Variants in GRID2 observed in about 807,000 individuals in gnomAD.
The protein encoded by GRID2 is glutamate ionotropic receptor delta type subunit 2.
GRID2 carries 33 observed loss-of-function variants against 114.8 expected under a neutral mutation model. The ratio of observed to expected loss-of-function variants is 0.29; its 90% CI spans 0.22 to 0.38. The LOEUF is 0.38. Ranked by LOEUF, GRID2 falls within the 10% of genes least tolerant of loss-of-function variation. The probability of loss-of-function intolerance (pLI) is 1.00; values close to 1 mark genes in which losing one functional copy is unlikely to be tolerated. For synonymous variants in GRID2, 505 were observed against 449.9 expected (o/e 1.12, Z -1.55); for missense variants, 1,184 against 1,257.7 (o/e 0.94, Z 0.89).
In GRID2 at chr4:92,347,776, CAG is replaced by C. The variant is rs540086418; in HGVS notation, c.88+43035_88+43036del. Among the ~76,000 whole-genome samples the C allele has an allele frequency of 4.0e-3, 614 of 152,146 alleles. 2 individuals are homozygous for C. The highest frequency in any genetic ancestry group is 0.01 in the South Asian group (50 of 4,822). ...GGCTTAGCTTGTTAAGAACAAAGAA[CAG>C]AGTTTTTCTGTTCTTTGAGATGATT... On this transcript the variant is annotated intron_variant, in intron 1 of 15. Transcript: ENST00000282020.
chr4:93,588,783 C>T (rs1037130481), intron 13 of GRID2, among the ~76,000 whole-genome samples: 40 of 152,102 alleles, frequency 2.6e-4, no homozygotes, highest in African/African-American at 8.9e-4. Flanking sequence ...ACTTGCATTC[C>T]CTGACAACAA....
chr4:92,334,858 A>G (rs1254075670), intron 1 of GRID2, among the ~76,000 whole-genome samples: 1 of 152,234 alleles, frequency 6.6e-6, no homozygotes, highest in Admixed American at 6.5e-5. Context: ...AACAGAGCTG[A>G]GCCAAGAAAA....
intron 4 of GRID2, among the ~76,000 whole-genome samples, chr4:93,194,562 G>A (rs190188789): frequency 2.0e-5 from 3 of 152,030 alleles, no homozygotes; most frequent in Admixed American, 2.0e-4. Context: ...ATAAGTATCC[G>A]GTGTAGCCAG....
At chr4:93,808,275 T>C (rs1735069431) in exon 2 of GRID2, 1 of 152,184 alleles carries the variant, frequency 6.6e-6, no homozygotes, top group Non-Finnish European at 1.5e-5. Flanking sequence ...TCTTGGTGCT[T>C]ACCATGACTG....
chr4:92,808,842 T>C (rs939756502), intron 2 of GRID2, among the ~76,000 whole-genome samples: 10 of 151,898 alleles, frequency 6.6e-5, no homozygotes, highest in African/African-American at 2.4e-4. Context: ...GAGAAACTTA[T>C]ATTCTCAGTT....
At chr4:93,536,767 T>C (rs2149521571) in intron 13 of GRID2, among the ~76,000 whole-genome samples, 1 of 151,718 alleles carries the variant, frequency 6.6e-6, no homozygotes, top group Admixed American at 6.6e-5. Flanking sequence ...CACACAATGA[T>C]TAATAAATCA....
chr4:92,471,011 A>C (rs563059051), intron 1 of GRID2, among the ~76,000 whole-genome samples: 2 of 152,144 alleles, frequency 1.3e-5, no homozygotes, highest in East Asian at 3.9e-4. Flanking sequence ...ATATTGTAAC[A>C]CAGGGTACAA....
intron 2 of GRID2, among the ~76,000 whole-genome samples, chr4:92,959,899 A>C (rs1752682967): frequency 6.6e-6 from 1 of 151,984 alleles, no homozygotes; most frequent in African/African-American, 2.4e-5. Context: ...AGAAATACCT[A>C]ATGTAGATGA....
At chr4:93,459,180 C>CCCCCAAAAAAAAAAAA (rs1723498760) in intron 11 of GRID2, among the ~76,000 whole-genome samples, 1 of 50,030 alleles carries the variant, frequency 2.0e-5, no homozygotes, top group Non-Finnish European at 3.5e-5. Flanking sequence ...AACTCCATCT[C>CCCCCAAAAAAAAAAAA]AAAAAAAAAA....
intron 1 of GRID2, among the ~76,000 whole-genome samples, chr4:92,448,135 GTA>G (rs1733566880): frequency 1.6e-5 from 1 of 61,434 alleles, no homozygotes; most frequent in African/African-American, 5.8e-5. Flanking sequence ...TTTATTTTAT[GTA>G]TGTATGTATG....
chr4:93,248,770 T>C (rs945734997), intron 8 of GRID2, among the ~76,000 whole-genome samples: 4 of 152,210 alleles, frequency 2.6e-5, no homozygotes, highest in Non-Finnish European at 4.4e-5. Flanking sequence ...ATGAATATTA[T>C]GTCCATGTGA....
At chr4:92,457,069 A>G (rs911034622) in intron 1 of GRID2, among the ~76,000 whole-genome samples, 8 of 152,068 alleles carry the variant, frequency 5.3e-5, no homozygotes, top group Admixed American at 3.3e-4. Flanking sequence ...GCTTCTTGTT[A>G]TAGTTTCTAG....
At chr4:93,118,163 A>G (rs935868413) in intron 4 of GRID2, among the ~76,000 whole-genome samples, 33 of 152,278 alleles carry the variant, frequency 2.2e-4, no homozygotes, top group Non-Finnish European at 4.0e-4. Context: ...CTGCTTCACC[A>G]GATATCATTG....
chr4:92,741,546 A>G (rs1736894434), intron 2 of GRID2, among the ~76,000 whole-genome samples: 1 of 152,020 alleles, frequency 6.6e-6, no homozygotes, highest in African/African-American at 2.4e-5. Flanking sequence ...AATCTACTCT[A>G]ATTTATGTTC....
intron 2 of GRID2, among the ~76,000 whole-genome samples, chr4:92,982,022 T>TAAAAAAGAAAAAAAAAAAA (rs1754244158): frequency 1.2e-5 from 1 of 80,202 alleles, no homozygotes; most frequent in Non-Finnish European, 2.5e-5. Context: ...AAAGTACTGG[T>TAAAAAAGAAAAAAAAAAAA]AAAAAAAAAA....
rs1723116201 is a variant in GRID2, at chr4:93,455,651, C to T, written c.1546-11C>T. On this transcript the variant is annotated splice_polypyrimidine_tract_variant and intron_variant, in intron 10 of 15. Coordinates refer to ENST00000282020, the MANE Select transcript of GRID2 (RefSeq NM_001510.4). ...ACTGTTAATGTATTCCTTTCTCTTT[C>T]AATTTCTCAGAGAGCCGACATAGGG... 1 of 1,588,806 alleles carries T rather than the reference C, an allele frequency of 6.3e-7. No homozygotes were observed. The highest frequency in any genetic ancestry group is 1.3e-5 in the African/African-American group (1 of 74,316).
chr4:93,385,857 C>G (rs1375056016), intron 8 of GRID2, among the ~76,000 whole-genome samples: 1 of 152,074 alleles, frequency 6.6e-6, no homozygotes, highest in Non-Finnish European at 1.5e-5. Context: ...AAAATAAAAT[C>G]TAACCACCCA....
intron 2 of GRID2, among the ~76,000 whole-genome samples, chr4:92,739,493 T>G (rs1303176214): frequency 6.6e-6 from 1 of 152,166 alleles, no homozygotes; most frequent in Non-Finnish European, 1.5e-5. Context: ...TGAAAACTTT[T>G]ACCATTCATT....
intron 13 of GRID2, among the ~76,000 whole-genome samples, chr4:93,541,727 T>C (rs1732674851): frequency 6.6e-6 from 1 of 152,188 alleles, no homozygotes; most frequent in Admixed American, 6.5e-5. Context: ...CTCTATACAA[T>C]GTGACACTTG....
Sources: allele counts gnomAD v4.1 joint callset (sites outside exome capture counted in the v4.1 genomes callset), GRCh38; gene constraint gnomAD v4.1.1; transcripts MANE v1.5; gene names NCBI Gene and HGNC (gene_info 2026-07-23, HGNC 2026-07-21).